The following RGL1 variants were observed in gnomAD, a reference collection of about 807,000 sequenced individuals.
RGL1 encodes ral guanine nucleotide dissociation stimulator like 1, also known as ral guanine nucleotide dissociation stimulator-like 1.
RGL1 carries 24 observed loss-of-function variants against 95.2 expected under a neutral mutation model. That is an observed-to-expected ratio of 0.25 (90% confidence interval 0.18 to 0.35). RGL1 has a LOEUF of 0.35. Ranked by LOEUF, RGL1 falls within the 10% of genes least tolerant of loss-of-function variation. RGL1 has a pLI of 1.00. For synonymous variants in RGL1, 329 were observed against 344.9 expected (o/e 0.95, Z 0.51); for missense variants, 715 against 936.3 (o/e 0.76, Z 3.08).
At chr1:183,753,954 AT>A (rs11368833) in intron 2 of RGL1, among the ~76,000 whole-genome samples, 50 of 147,296 alleles carry the variant, frequency 3.4e-4, no homozygotes, top group African/African-American at 8.5e-4. Flanking sequence ...CAGTGGGTTC[AT>A]TTTTTTTTTT....
intron 17 of RGL1, among the ~76,000 whole-genome samples, chr1:183,922,813 T>A (rs1669390138): frequency 6.6e-6 from 1 of 152,240 alleles, no homozygotes; most frequent in Non-Finnish European, 1.5e-5. Context: ...TGATCAATTT[T>A]AAAATAACAC....
intron 1 of RGL1, among the ~76,000 whole-genome samples, chr1:183,639,667 C>G (rs909839413): frequency 3.3e-5 from 5 of 149,750 alleles, no homozygotes; most frequent in Non-Finnish European, 5.9e-5. Flanking sequence ...GGTGAACTCT[C>G]TACTGAAACT....
intron 1 of RGL1, among the ~76,000 whole-genome samples, chr1:183,805,928 G>T (rs1661263090): frequency 1.4e-5 from 2 of 138,446 alleles, no homozygotes; most frequent in Non-Finnish European, 3.1e-5. Flanking sequence ...AAAAAGTACA[G>T]ACTTATTCTT....
At chr1:183,848,145 G>A (rs1191094356) in intron 3 of RGL1, among the ~76,000 whole-genome samples, 1 of 152,150 alleles carries the variant, frequency 6.6e-6, no homozygotes, top group Non-Finnish European at 1.5e-5. Context: ...GATGAAATGT[G>A]CTAATATGTG....
intron 2 of RGL1, among the ~76,000 whole-genome samples, chr1:183,847,125 G>A (rs538750668): frequency 2.0e-4 from 31 of 152,126 alleles, no homozygotes; most frequent in Middle Eastern, 3.4e-3. Flanking sequence ...AGAGAGCATT[G>A]CCTTATATGA....
rs1286656926 is a variant in RGL1, at chr1:183,849,482, AGTTTTT to A, written c.347+1709_347+1714del. Among the ~76,000 whole-genome samples, 31 of 99,402 alleles carry A rather than the reference AGTTTTT, an allele frequency of 3.1e-4. 1 individual carries two copies. The highest frequency in any genetic ancestry group is 8.0e-4 in the African/African-American group (21 of 26,350). 65.2% of individuals were successfully genotyped at this position (99,402 alleles called of 152,430 possible). A position where few individuals can be genotyped will look rare whatever the true frequency, so the allele number is the denominator to read the frequency against. On this transcript the variant is annotated intron_variant, in intron 3 of 17. Coordinates refer to ENST00000360851, the MANE Select transcript of RGL1 (RefSeq NM_001297671.3). ...GACATTTAAGTTTTCTCCAGTTTTT[AGTTTTT>A]TTTTTTTTTTTTTTTTTTGTTGAGA...
intron 2 of RGL1, among the ~76,000 whole-genome samples, chr1:183,807,329 G>T (rs1236212288): frequency 6.6e-6 from 1 of 152,218 alleles, no homozygotes; most frequent in Admixed American, 6.5e-5. Flanking sequence ...AATAATGGTT[G>T]GCTGAATAGA....
chr1:183,733,925 G>A (rs180700177), intron 1 of RGL1, among the ~76,000 whole-genome samples: 3 of 152,230 alleles, frequency 2.0e-5, no homozygotes, highest in Non-Finnish European at 4.4e-5. Context: ...TTGGCTTAGA[G>A]CCAGCTCACT....
At chr1:183,700,336 T>A (rs1284313809) in intron 1 of RGL1, among the ~76,000 whole-genome samples, 1 of 152,154 alleles carries the variant, frequency 6.6e-6, no homozygotes, top group African/African-American at 2.4e-5. Context: ...TGTAGTATTA[T>A]TCCAGGAGCA....
intron 9 of RGL1, among the ~76,000 whole-genome samples, chr1:183,896,986 C>T (rs1384105679): frequency 6.6e-6 from 1 of 152,160 alleles, no homozygotes; most frequent in Non-Finnish European, 1.5e-5. Flanking sequence ...CAGAAAACTT[C>T]CGGTGCAAAA....
intron 2 of RGL1, among the ~76,000 whole-genome samples, chr1:183,819,680 C>G (rs1278729558): frequency 6.6e-6 from 1 of 151,928 alleles, no homozygotes; most frequent in African/African-American, 2.4e-5. Context: ...TTGCCTTTTT[C>G]TTTGCATCGG....
intron 1 of RGL1, among the ~76,000 whole-genome samples, chr1:183,729,008 C>T (rs1656471967): frequency 6.6e-6 from 1 of 152,116 alleles, no homozygotes; most frequent in African/African-American, 2.4e-5. Context: ...TAAAACTATA[C>T]AACTTCTGGA....
At chr1:183,906,788 T>C (rs1435780746) in intron 13 of RGL1, among the ~76,000 whole-genome samples, 1 of 151,984 alleles carries the variant, frequency 6.6e-6, no homozygotes, top group Non-Finnish European at 1.5e-5. Flanking sequence ...ATAGCCTCAA[T>C]CCATATGCCA....
intron 2 of RGL1, among the ~76,000 whole-genome samples, chr1:183,762,259 G>A (rs192274502): frequency 1.3e-5 from 2 of 152,258 alleles, no homozygotes; most frequent in Non-Finnish European, 2.9e-5. Flanking sequence ...ATCATTTCTA[G>A]GTTTTGATTT....
chr1:183,916,069 T>C (rs1364840479), intron 15 of RGL1, among the ~76,000 whole-genome samples: 1 of 152,240 alleles, frequency 6.6e-6, no homozygotes, highest in Non-Finnish European at 1.5e-5. Flanking sequence ...TAGGACTGAA[T>C]CAACTGCGTT....
rs755391860 is a variant in RGL1 at position 183,883,839 on chromosome 1, G to C, written c.664G>C (p.Gly222Arg). The C allele has an allele frequency of 6.2e-7, 1 of 1,614,098 alleles. No individual in the cohort carries two copies. Among genetic ancestry groups the C allele is most frequent in the Admixed American group, 1.7e-5 (1 of 60,026 alleles). ...CCTGGAAGAGGAAGAGGAACTGGAGGGTGGAGAGTCAGCAGAATTCACGTG... is the reference window on the plus strand; with the variant it reads ...CCTGGAAGAGGAAGAGGAACTGGAGCGTGGAGAGTCAGCAGAATTCACGTG... ...FSLEEEEELE[G>R]GESAEFTCFS... The change falls in exon 6 of 18, where the codon GGT (glycine) becomes CGT (arginine). Residue 222 changes from glycine to arginine, a missense_variant. Coordinates refer to ENST00000360851, the MANE Select transcript of RGL1 (RefSeq NM_001297671.3).
At chr1:183,849,359 A>T (rs1270006054) in intron 3 of RGL1, among the ~76,000 whole-genome samples, 1 of 152,184 alleles carries the variant, frequency 6.6e-6, no homozygotes, top group Non-Finnish European at 1.5e-5. Flanking sequence ...AAGCTCAAAA[A>T]ATGTAATTCT....
intron 2 of RGL1, among the ~76,000 whole-genome samples, chr1:183,751,430 C>G (rs1438781752): frequency 6.6e-6 from 1 of 152,194 alleles, no homozygotes; most frequent in Non-Finnish European, 1.5e-5. Context: ...AGGTTGACTT[C>G]AGACTGCTGT....
At chr1:183,653,897 A>G (rs185653177) in intron 1 of RGL1, among the ~76,000 whole-genome samples, 1 of 152,024 alleles carries the variant, frequency 6.6e-6, no homozygotes, top group Non-Finnish European at 1.5e-5. Context: ...TGACCCCCAC[A>G]TCATCTCCTA....
Sources: gnomAD v4.1 joint callset for allele counts (sites outside exome capture counted in the v4.1 genomes callset) on GRCh38, gnomAD v4.1.1 for gene constraint, MANE v1.5 for transcripts, NCBI Gene and HGNC (gene_info 2026-07-23, HGNC 2026-07-21) for gene names.